The following AFAP1 variants were observed in gnomAD, a reference collection of about 807,000 sequenced individuals.
AFAP1 encodes the protein actin filament associated protein 1.
A neutral mutation model predicts 93.9 loss-of-function variants in AFAP1; 75 were observed. The ratio of observed to expected loss-of-function variants is 0.80; its 90% CI spans 0.66 to 0.97. AFAP1 has a LOEUF of 0.97. Among genes scored for constraint, AFAP1 ranks in the 50% least tolerant of loss-of-function variants. The pLI is 0.00. For missense variants in AFAP1, 1,201 were observed against 1,050.8 expected (o/e 1.14, Z -1.98); for synonymous variants, 517 against 430.7 (o/e 1.20, Z -2.48).
chr4:7,785,122 G>C (rs564449110), intron 12 of AFAP1, among the ~76,000 whole-genome samples: 6 of 152,236 alleles, frequency 3.9e-5, no homozygotes, highest in African/African-American at 1.4e-4. Context: ...AACTGTGAAG[G>C]CCTCATCTCT....
chr4:7,919,236 A>G (rs186958073), intron 1 of AFAP1, among the ~76,000 whole-genome samples: 127 of 152,362 alleles, frequency 8.3e-4, no homozygotes, highest in African/African-American at 2.9e-3. Context: ...AACATCAACA[A>G]AACAAAAAAT....
chr4:7,796,000 C>T (rs548942426), intron 10 of AFAP1, among the ~76,000 whole-genome samples: 1 of 152,110 alleles, frequency 6.6e-6, no homozygotes, highest in African/African-American at 2.4e-5. Flanking sequence ...TGTATGTATG[C>T]ATGTACGTGT....
intron 1 of AFAP1, among the ~76,000 whole-genome samples, chr4:7,890,421 C>T (rs990418518): frequency 2.7e-4 from 41 of 152,224 alleles, no homozygotes; most frequent in South Asian, 1.0e-3. Flanking sequence ...AACTATAAGA[C>T]GTCTCAATGA....
At chr4:7,864,586 A>G (rs900820872) in intron 3 of AFAP1, among the ~76,000 whole-genome samples, 2 of 152,116 alleles carry the variant, frequency 1.3e-5, no homozygotes, top group African/African-American at 4.8e-5. Context: ...TCTGTAAAAT[A>G]CCCTGAAATC....
At chr4:7,924,317 A>G (rs2149239529) in intron 1 of AFAP1, among the ~76,000 whole-genome samples, 1 of 152,356 alleles carries the variant, frequency 6.6e-6, no homozygotes, top group East Asian at 1.9e-4. Context: ...AATAAACTAC[A>G]CTGATGAAGT....
intron 4 of AFAP1, among the ~76,000 whole-genome samples, chr4:7,852,683 G>T (rs1254529406): frequency 6.6e-6 from 1 of 152,082 alleles, no homozygotes. Flanking sequence ...GAATACAAAA[G>T]GGGCAGTAGA....
intron 1 of AFAP1, among the ~76,000 whole-genome samples, chr4:7,906,877 C>T (rs932128918): frequency 1.1e-4 from 17 of 152,108 alleles, no homozygotes; most frequent in African/African-American, 3.9e-4. Flanking sequence ...TGGCGGGCGC[C>T]TGTAATCCCA....
At chr4:7,829,997 T>C (rs1167632106) in intron 6 of AFAP1, among the ~76,000 whole-genome samples, 6 of 152,194 alleles carry the variant, frequency 3.9e-5, no homozygotes, top group East Asian at 3.8e-4. Context: ...GACTATCTTT[T>C]TGAAGTATGG....
In AFAP1 at chr4:7,759,098, C is replaced by T. The variant is rs550926223; in HGVS notation, c.*4667G>A. On this transcript the variant is annotated 3_prime_UTR_variant, in exon 18 of 18. Transcript: ENST00000420658. Reference sequence around the variant, plus strand: ...TTCTTAATATGAAAACATTTTACAACGTATCACCATGGTCAATTAATTCTG... The same window carrying T: ...TTCTTAATATGAAAACATTTTACAATGTATCACCATGGTCAATTAATTCTG... The T allele has an allele frequency of 4.6e-5, 7 of 152,658 alleles. No individual in the cohort carries two copies. In the South Asian group the frequency reaches 8.3e-4, roughly 18 times the overall value. The allele number at this position is 152,658 out of a possible 1,614,324, so 9.5% of individuals were successfully genotyped here.
At chr4:7,920,592 A>C (rs1720385053) in intron 1 of AFAP1, among the ~76,000 whole-genome samples, 1 of 152,218 alleles carries the variant, frequency 6.6e-6, no homozygotes, top group South Asian at 2.1e-4. Flanking sequence ...CTTCAAAGTT[A>C]TACGGAAAAT....
intron 1 of AFAP1, among the ~76,000 whole-genome samples, chr4:7,872,872 A>G (rs144146154): frequency 6.3e-4 from 95 of 151,106 alleles, no homozygotes; most frequent in Non-Finnish European, 4.9e-4. Flanking sequence ...AAGTGACACC[A>G]AACTATCCTA....
chr4:7,887,155 G>C (rs1326508344), intron 1 of AFAP1, among the ~76,000 whole-genome samples: 1 of 152,168 alleles, frequency 6.6e-6, no homozygotes, highest in Non-Finnish European at 1.5e-5. Context: ...GACTGGAGTA[G>C]GAAGGGGCAC....
At chr4:7,870,223 G>A (rs1716901580) in intron 2 of AFAP1, among the ~76,000 whole-genome samples, 1 of 152,170 alleles carries the variant, frequency 6.6e-6, no homozygotes, top group Non-Finnish European at 1.5e-5. Context: ...AATCAAAAAG[G>A]CAGTTTAACT....
intron 4 of AFAP1, among the ~76,000 whole-genome samples, chr4:7,848,824 G>A (rs1307564662): frequency 6.6e-6 from 1 of 152,120 alleles, no homozygotes; most frequent in Non-Finnish European, 1.5e-5. Context: ...TCATGGGCAG[G>A]AATTGCTATC....
intron 2 of AFAP1, among the ~76,000 whole-genome samples, chr4:7,871,351 G>A (rs879941458): frequency 2.6e-5 from 4 of 152,182 alleles, no homozygotes; most frequent in Non-Finnish European, 5.9e-5. Flanking sequence ...CAACACAGTT[G>A]TGCTGAAACC....
intron 1 of AFAP1, among the ~76,000 whole-genome samples, chr4:7,874,697 A>C (rs940001419): frequency 2.0e-5 from 3 of 151,430 alleles, no homozygotes. Context: ...TTTTCTTCAC[A>C]TACTTCCACC....
chr4:7,906,749 G>T (rs1048772514), intron 1 of AFAP1, among the ~76,000 whole-genome samples: 1 of 152,188 alleles, frequency 6.6e-6, no homozygotes, highest in South Asian at 2.1e-4. Context: ...GGCCAGGCGC[G>T]GTGGCTCACG....
At chr4:7,904,267 C>T (rs182390717) in intron 1 of AFAP1, among the ~76,000 whole-genome samples, 3 of 152,010 alleles carry the variant, frequency 2.0e-5, no homozygotes, top group African/African-American at 4.8e-5. Flanking sequence ...TTTCCCATAG[C>T]GTTTAAAGAA....
At chr4:7,802,775 A>C (rs1343003190) in intron 9 of AFAP1, among the ~76,000 whole-genome samples, 1 of 150,634 alleles carries the variant, frequency 6.6e-6, no homozygotes, top group Non-Finnish European at 1.5e-5. Flanking sequence ...TCAGCCTCCC[A>C]AGCAGCTGGG....
Sources: allele counts gnomAD v4.1 joint callset (sites outside exome capture counted in the v4.1 genomes callset), GRCh38; gene constraint gnomAD v4.1.1; transcripts MANE v1.5; gene names NCBI Gene and HGNC (gene_info 2026-07-23, HGNC 2026-07-21).